Variants in RNF43 observed in about 807,000 individuals in gnomAD.
RNF43 encodes the protein E3 ubiquitin-protein ligase RNF43.
In RNF43, 37 loss-of-function variants were observed where a neutral mutation model predicts 78.4. That is an observed-to-expected ratio of 0.47 (90% CI 0.36 to 0.62). The LOEUF (loss-of-function observed/expected upper bound fraction) is 0.62, where lower values mean the gene tolerates loss of function less well. RNF43 is among the 20% of genes least tolerant of loss of function. RNF43 has a pLI of 0.00. For synonymous variants in RNF43, 347 were observed against 395.0 expected, an observed-to-expected ratio of 0.88 and a Z score of 1.44; for missense variants, 774 against 1,007.9, an observed-to-expected ratio of 0.77 and a Z score of 3.14.
chr17:58,360,049 G>C lies in RNF43; in HGVS notation c.952+100C>G, dbSNP rs1157929400. On this transcript the variant is annotated intron_variant, in intron 8 of 9. Coordinates refer to ENST00000407977, the MANE Select transcript of RNF43 (RefSeq NM_017763.6). The surrounding 1 kb of genome is among the most constrained non-coding windows in gnomAD (Gnocchi z 4.3). ...CCCATACAACTATGGTGGCAGTTCT[G>C]CTTTCTCCCCAGCTTCAAGGCTGCA... The C allele has an allele frequency of 2.3e-6, 2 of 867,084 alleles. No individual in the cohort carries two copies. The highest frequency in any genetic ancestry group is 3.3e-5 in the African/African-American group (2 of 60,542). 53.7% of individuals were successfully genotyped at this position (867,084 alleles called of 1,614,324 possible).
chr17:58,373,467 A>G (rs1973144106), intron 2 of RNF43, among the ~76,000 whole-genome samples: 1 of 152,220 alleles, frequency 6.6e-6, no homozygotes, highest in African/African-American at 2.4e-5. Context: ...TGTGTGCCAG[A>G]GCTTTTAGAC....
At position 58,357,042 on chromosome 17, in the gene RNF43, C is replaced by T. The variant is rs756806619; in HGVS notation, c.2308+426G>A. 1.0e-4 allele frequency: 61 copies of T among 600,854 alleles called. No homozygotes were observed. The highest frequency in any genetic ancestry group is 2.8e-4 in the South Asian group (14 of 50,766). The allele number at this position is 600,854 out of a possible 1,614,324, so 37.2% of individuals were successfully genotyped here. ...CTGAGTAGCTGGGATTATAAGTGCC[C>T]GCCACCATACCCGGCTAATTTTTGT... On this transcript the variant is annotated intron_variant, in intron 9 of 9. Transcript: ENST00000407977. This position sits in a 1 kb window ranked among gnomAD's most constrained non-coding sequence, Gnocchi z 4.5.
chr17:58,400,203 AC>A (rs1369158507), intron 2 of RNF43, among the ~76,000 whole-genome samples: 1 of 152,198 alleles, frequency 6.6e-6, no homozygotes, highest in Non-Finnish European at 1.5e-5. Flanking sequence ...CCCAGAACTC[AC>A]ATACTATTAG....
At position 58,354,104 on chromosome 17, in the gene RNF43, T is replaced by G. The variant is rs1972632977; in HGVS notation, c.*839A>C. On this transcript the variant is annotated 3_prime_UTR_variant, in exon 10 of 10. Coordinates refer to ENST00000407977, the MANE Select transcript of RNF43 (RefSeq NM_017763.6). ...CCATCCTTGCTCTAAGACAAAACTT[T>G]TCCCAGAGAAGAACTCTTTGTTGTC... 5.1e-6 allele frequency: 1 copy of G among 197,482 alleles called. No homozygotes were observed. 12.2% of individuals were successfully genotyped at this position (197,482 alleles called of 1,614,324 possible). A position where few individuals can be genotyped will look rare whatever the true frequency, so the allele number is the denominator to read the frequency against.
chr17:58,405,970 C>G (rs895541044), intron 2 of RNF43, among the ~76,000 whole-genome samples: 2 of 152,130 alleles, frequency 1.3e-5, no homozygotes, highest in African/African-American at 4.8e-5. Context: ...TCTAGAGAAT[C>G]CAGTGCCCCT....
intron 6 of RNF43, among the ~76,000 whole-genome samples, chr17:58,361,819 T>A (rs1386341320): frequency 6.6e-6 from 1 of 152,208 alleles, no homozygotes; most frequent in Non-Finnish European, 1.5e-5. Context: ...TCTGCCTAGA[T>A]CCCTTTCTCC....
chr17:58,394,614 T>G (rs1973635437), intron 2 of RNF43, among the ~76,000 whole-genome samples: 1 of 152,204 alleles, frequency 6.6e-6, no homozygotes, highest in Admixed American at 6.6e-5. Context: ...TTAGAGGTCT[T>G]ACTTTGTAAA....
intron 3 of RNF43, among the ~76,000 whole-genome samples, chr17:58,365,004 G>A (rs1426500681): frequency 6.6e-6 from 1 of 152,206 alleles, no homozygotes; most frequent in Non-Finnish European, 1.5e-5. Flanking sequence ...TGGTCAGGAA[G>A]GTAACTTTCC....
rs1003097982 is a variant in RNF43, at chr17:58,358,985, C to T, written c.953-162G>A. Among the ~76,000 whole-genome samples the T allele has an allele frequency of 6.6e-6, 1 of 152,150 alleles. No homozygotes were observed. Among genetic ancestry groups the T allele is most frequent in the Admixed American group, 6.5e-5 (1 of 15,278 alleles). Reference sequence around the variant, plus strand: ...CCTAAGCTGCCTGTGCTCTGGGACTCCTTTGTTCCCTCCAGTCAGGTTGCC... The same window carrying T: ...CCTAAGCTGCCTGTGCTCTGGGACTTCTTTGTTCCCTCCAGTCAGGTTGCC... On this transcript the variant is annotated intron_variant, in intron 8 of 9. Coordinates refer to ENST00000407977, the MANE Select transcript of RNF43 (RefSeq NM_017763.6). This position sits in a 1 kb window ranked among gnomAD's most constrained non-coding sequence, Gnocchi z 6.2.
chr17:58,355,138 G>A (rs992381194), intron 9 of RNF43, 152 bp from the exon 10 acceptor site: 8 of 717,482 alleles, frequency 1.1e-5, no homozygotes, highest in Non-Finnish European at 1.7e-5. Context: ...AAGCTAAGGG[G>A]GCCCCAGTTG....
At position 58,363,414 on chromosome 17, in the gene RNF43, G is replaced by C. The variant is rs2143470623; in HGVS notation, c.451-8C>G. 6.2e-7 allele frequency: 1 copy of C among 1,614,120 alleles called. No individual in the cohort carries two copies. The highest frequency in any genetic ancestry group is 8.5e-7 in the Non-Finnish European group (1 of 1,179,996). Reference sequence around the variant, plus strand: ...CCCCAGCGGCTGCTGCAGCTACAGGGGGAAAGTGCCCACAGGGCTGCTGTG... The same window carrying C: ...CCCCAGCGGCTGCTGCAGCTACAGGCGGAAAGTGCCCACAGGGCTGCTGTG... On this transcript the variant is annotated splice_polypyrimidine_tract_variant and splice_region_variant and intron_variant, in intron 4 of 9. Transcript: ENST00000407977.
In RNF43 at chr17:58,360,831, G is replaced by A. The variant is rs750154589; in HGVS notation, c.801C>T (p.Ser267=). 2 of 1,613,174 alleles carry A rather than the reference G, an allele frequency of 1.2e-6. No individual in the cohort carries two copies. The highest frequency in any genetic ancestry group is 1.3e-5 in the African/African-American group (1 of 75,024). ...GACAGATGGCACACACAGGGGCTGA[G>A]CTGCAGCTGCTCCCTGAGTCTGGCC... ...GEWPDSGSSC[S]SAPVCAICLE... The change falls in exon 7 of 10, where the codon AGC becomes AGT. Residue 267 remains serine (S), a synonymous_variant. Coordinates refer to ENST00000407977, the MANE Select transcript of RNF43 (RefSeq NM_017763.6). This position sits in a 1 kb window ranked among gnomAD's most constrained non-coding sequence, Gnocchi z 4.3.
chr17:58,408,169 T>C (rs1598168227), intron 2 of RNF43, among the ~76,000 whole-genome samples: 1 of 152,256 alleles, frequency 6.6e-6, no homozygotes, highest in African/African-American at 2.4e-5. Context: ...GAGAATTTGG[T>C]TTAATTTCTT....
In RNF43 at chr17:58,357,050, T is replaced by C. The variant is rs899316402; in HGVS notation, c.2308+418A>G. 1 of 604,492 alleles carries C rather than the reference T, an allele frequency of 1.7e-6. No homozygotes were observed. The highest frequency in any genetic ancestry group is 3.0e-6 in the Non-Finnish European group (1 of 338,364). The allele number at this position is 604,492 out of a possible 1,614,324, so 37.4% of individuals were successfully genotyped here. ...CTGGGATTATAAGTGCCCGCCACCA[T>C]ACCCGGCTAATTTTTGTATTTTTAG... is the stretch of plus-strand genomic sequence containing the variant. On this transcript the variant is annotated intron_variant, in intron 9 of 9. Coordinates refer to ENST00000407977, the MANE Select transcript of RNF43 (RefSeq NM_017763.6). This position sits in a 1 kb window ranked among gnomAD's most constrained non-coding sequence, Gnocchi z 4.5.
In RNF43 at chr17:58,357,189, C is replaced by T. The variant is rs562956476; in HGVS notation, c.2308+279G>A. 1,166 of 702,542 alleles carry T rather than the reference C, an allele frequency of 1.7e-3. 3 individuals carry two copies. The highest frequency in any genetic ancestry group is 2.5e-3 in the Non-Finnish European group (951 of 385,574). 43.5% of individuals were successfully genotyped at this position (702,542 alleles called of 1,614,324 possible). On this transcript the variant is annotated intron_variant, in intron 9 of 9. Coordinates refer to ENST00000407977, the MANE Select transcript of RNF43 (RefSeq NM_017763.6). This position sits in a 1 kb window ranked among gnomAD's most constrained non-coding sequence, Gnocchi z 4.5. The stretch of plus-strand genomic sequence containing the variant: ...GATTACAGGCATGAGCCATCACACC[C>T]GGCCTTCCAAGTGCCTTTCTGATGC...
At chr17:58,370,226 G>A (rs1419722992) in intron 3 of RNF43, among the ~76,000 whole-genome samples, 2 of 151,776 alleles carry the variant, frequency 1.3e-5, no homozygotes, top group South Asian at 2.1e-4. Flanking sequence ...GTGCCACCAC[G>A]CCTGGCTAAT....
chr17:58,359,496 C>T (rs976990245), intron 8 of RNF43, among the ~76,000 whole-genome samples: 10 of 151,576 alleles, frequency 6.6e-5, no homozygotes, highest in South Asian at 2.1e-4. Context: ...CCCAGCTACT[C>T]CGGAGGCTGA....
chr17:58,391,243 T>C (rs572286887), intron 2 of RNF43, among the ~76,000 whole-genome samples: 82 of 152,186 alleles, frequency 5.4e-4, no homozygotes, highest in Middle Eastern at 3.4e-3. Flanking sequence ...TGCTGGAAAA[T>C]TGAGCTGAAA....
At chr17:58,375,954 G>A (rs1359248539) in intron 2 of RNF43, among the ~76,000 whole-genome samples, 1 of 152,212 alleles carries the variant, frequency 6.6e-6, no homozygotes, top group Non-Finnish European at 1.5e-5. Context: ...CTGAGGAAGT[G>A]TGAGTGTCCT....
Sources: allele counts gnomAD v4.1 joint callset (sites outside exome capture counted in the v4.1 genomes callset), GRCh38; gene constraint gnomAD v4.1.1; non-coding constraint Gnocchi (gnomAD v3.1); transcripts MANE v1.5; gene names NCBI Gene and HGNC (gene_info 2026-07-23, HGNC 2026-07-21).